Variants in EZH1 observed in about 807,000 individuals in gnomAD.
The protein encoded by EZH1 is histone-lysine N-methyltransferase EZH1.
Under a neutral mutation model 100.5 loss-of-function variants are expected in EZH1, and 33 were observed. That is an observed-to-expected ratio of 0.33 (90% CI 0.25 to 0.44). EZH1 has a LOEUF of 0.44. Ranked by LOEUF, EZH1 falls within the 20% of genes least tolerant of loss-of-function variation. The pLI is 1.00. For missense variants in EZH1, 475 were observed against 928.4 expected, an observed-to-expected ratio of 0.51 and a Z score of 6.35; for synonymous variants, 272 against 313.8, an observed-to-expected ratio of 0.87 and a Z score of 1.41.
intron 1 of EZH1, 84 bp from the exon 2 acceptor site, chr17:42,731,002 G>T (rs1026524579): frequency 1.0e-5 from 5 of 491,092 alleles, no homozygotes; most frequent in Admixed American, 6.4e-5. Context: ...TTTTCCCCCA[G>T]AATCAGAAAG....
intron 2 of EZH1, among the ~76,000 whole-genome samples, chr17:42,729,614 C>G (rs1568002146): frequency 6.7e-6 from 1 of 149,880 alleles, no homozygotes; most frequent in Non-Finnish European, 1.5e-5. Context: ...TGGCTTGTGC[C>G]TGTAATCCCA....
intron 10 of EZH1, among the ~76,000 whole-genome samples, 199 bp downstream of exon 10, chr17:42,717,777 C>A (rs2053633961): frequency 6.6e-6 from 1 of 152,194 alleles, no homozygotes; most frequent in African/African-American, 2.4e-5. Context: ...TTCGAATCTG[C>A]ACTCCATCAG....
chr17:42,711,431 C>T (rs1184861579), intron 12 of EZH1, among the ~76,000 whole-genome samples: 1 of 152,072 alleles, frequency 6.6e-6, no homozygotes, highest in Non-Finnish European at 1.5e-5. Context: ...TGAGATCATG[C>T]CACTGCACTC....
rs750417573 is a variant in EZH1 at position 42,706,348 on chromosome 17, A to G, written c.1661-163T>C. 3.9e-5 allele frequency among the ~76,000 whole-genome samples: 6 copies of G among 152,282 alleles called. No homozygotes were observed. The highest frequency in any genetic ancestry group is 3.4e-3 in the Middle Eastern group (1 of 294). On this transcript the variant is annotated intron_variant, in intron 15 of 20. Transcript: ENST00000428826. The surrounding 1 kb of genome is among the most constrained non-coding windows in gnomAD (Gnocchi z 4.4). ...ATAATCAAATACACAAGTTTTGTCC[A>G]TAGAAAACTGAGTGCTTCCCAACAT...
chr17:42,741,627 A>T (rs1239250749), intron 1 of EZH1, among the ~76,000 whole-genome samples: 1 of 152,232 alleles, frequency 6.6e-6, no homozygotes, highest in African/African-American at 2.4e-5. Context: ...TTGCCTACAG[A>T]GTAATGAAGC....
intron 2 of EZH1, among the ~76,000 whole-genome samples, chr17:42,730,000 T>C (rs1447339801): frequency 6.6e-6 from 1 of 151,852 alleles, no homozygotes; most frequent in Non-Finnish European, 1.5e-5. Context: ...ATCACATCAC[T>C]GCACTCCAGC....
Position 42,729,318 on chromosome 17 carries a change from G to A in EZH1, c.-11-366C>T, listed in dbSNP as rs950143974. The A allele has an allele frequency of 2.1e-5, 4 of 187,502 alleles. 1 individual carries two copies. The South Asian group carries it at 3.7e-4, about 18-fold the overall frequency. 11.6% of individuals were successfully genotyped at this position (187,502 alleles called of 1,614,324 possible). ...GCTACTCAGGAGGCTGATGTGGGAG[G>A]ACTGCTTGAGCCCAGGAGGTCAAGG... On this transcript the variant is annotated intron_variant, in intron 2 of 20. Transcript: ENST00000428826.
chr17:42,716,706 AT>A (rs897021424), intron 10 of EZH1, among the ~76,000 whole-genome samples: 21 of 149,460 alleles, frequency 1.4e-4, no homozygotes, highest in Admixed American at 1.0e-3. Flanking sequence ...TTTTATTATT[AT>A]TTTTTTTTTG....
At chr17:42,705,968 C>G (rs369469510) in intron 16 of EZH1, 39 bp downstream of exon 16, 78 of 1,548,978 alleles carry the variant, frequency 5.0e-5, no homozygotes, top group Non-Finnish European at 5.9e-5. Context: ...CCTTCCCCCT[C>G]CATTTTATGT....
In EZH1 at chr17:42,705,074, A is replaced by C; in HGVS notation, c.1935+14T>G. The C allele has an allele frequency of 6.2e-7, 1 of 1,607,390 alleles. No homozygotes were observed. On this transcript the variant is annotated intron_variant, in intron 17 of 20. Coordinates refer to ENST00000428826, the MANE Select transcript of EZH1 (RefSeq NM_001991.5). ...CCCCCGAGTAAGAATGTGGGCCAAAACTATAGCACTCACCTCACCACAGTA... is the reference window on the plus strand; with the variant it reads ...CCCCCGAGTAAGAATGTGGGCCAAACCTATAGCACTCACCTCACCACAGTA...
At chr17:42,712,515 A>G in intron 11 of EZH1, 30 bp from the exon 12 acceptor site, 1 of 1,599,786 alleles carries the variant, frequency 6.3e-7, no homozygotes, top group Non-Finnish European at 8.5e-7. Flanking sequence ...CAGAATCAGA[A>G]GAAGGTAGAA....
intron 4 of EZH1, among the ~76,000 whole-genome samples, chr17:42,726,213 C>CTTTTT (rs1242560610): frequency 1.1e-5 from 1 of 88,554 alleles, no homozygotes; most frequent in Non-Finnish European, 2.3e-5. Context: ...GAGACAGTCT[C>CTTTTT]TTTTTTTTTT....
At chr17:42,733,640 C>CA (rs1283971078) in intron 1 of EZH1, among the ~76,000 whole-genome samples, 1,672 of 47,852 alleles carry the variant, frequency 0.035, 53 homozygotes, top group African/African-American at 0.08. Context: ...GACTCCATCT[C>CA]AAAAAAAAAA....
chr17:42,706,588 G>C lies in EZH1; in HGVS notation c.1661-403C>G, dbSNP rs1157993081. 6.6e-6 allele frequency among the ~76,000 whole-genome samples: 1 copy of C among 152,062 alleles called. No individual in the cohort carries two copies. The highest frequency in any genetic ancestry group is 1.5e-5 in the Non-Finnish European group (1 of 67,992). On this transcript the variant is annotated intron_variant, in intron 15 of 20. Transcript: ENST00000428826. The surrounding 1 kb of genome is among the most constrained non-coding windows in gnomAD (Gnocchi z 4.4). ...GCCTGTAGTCCCAGGCTTGATGGAT[G>C]TAGGGGGATGAATGGCTTGAGCCAG...
At chr17:42,724,501 T>C (rs991199920) in intron 4 of EZH1, 77 bp from the exon 5 acceptor site, 288 of 1,561,310 alleles carry the variant, frequency 1.8e-4, no homozygotes, top group Non-Finnish European at 2.3e-4. Context: ...CCTTCCAAAA[T>C]TGGCTGGGCA....
rs1045462852 is a variant in EZH1, at chr17:42,700,863, T to C, written c.*1669A>G. The C allele has an allele frequency of 6.6e-6, 1 of 152,494 alleles. No individual in the cohort carries two copies. The highest frequency in any genetic ancestry group is 6.5e-5 in the Admixed American group (1 of 15,280). 9.4% of individuals were successfully genotyped at this position (152,494 alleles called of 1,614,324 possible). On this transcript the variant is annotated 3_prime_UTR_variant, in exon 21 of 21. Transcript: ENST00000428826. ...TGTGGTGAGTGAGAGCATGTGAGTG[T>C]GTGTGCATGTCCCATACCAAACCGT...
intron 1 of EZH1, among the ~76,000 whole-genome samples, chr17:42,734,443 C>T (rs936683809): frequency 6.6e-5 from 10 of 152,042 alleles, no homozygotes; most frequent in Admixed American, 3.9e-4. Context: ...GGTTTCTCCA[C>T]GTATTTGAAA....
At chr17:42,732,049 A>T (rs551483932) in intron 1 of EZH1, among the ~76,000 whole-genome samples, 2 of 151,918 alleles carry the variant, frequency 1.3e-5, no homozygotes, top group Admixed American at 6.6e-5. Flanking sequence ...AGCCCAGGAG[A>T]TTGAGGCCAC....
intron 4 of EZH1, among the ~76,000 whole-genome samples, chr17:42,724,830 C>T (rs2053786055): frequency 6.6e-6 from 1 of 151,534 alleles, no homozygotes; most frequent in Admixed American, 6.6e-5. Flanking sequence ...CTAGTTCTTA[C>T]AAGCTAATAA....
Sources: gnomAD v4.1 joint callset for allele counts (sites outside exome capture counted in the v4.1 genomes callset) on GRCh38, gnomAD v4.1.1 for gene constraint, Gnocchi (gnomAD v3.1) non-coding constraint, MANE v1.5 for transcripts, NCBI Gene and HGNC (gene_info 2026-07-23, HGNC 2026-07-21) for gene names.